Variants in MAPK4 observed in about 807,000 individuals in gnomAD.
The protein encoded by MAPK4 is Erk3-related.
A neutral mutation model predicts 47.7 loss-of-function variants in MAPK4; 22 were observed. That is an observed-to-expected ratio of 0.46 (90% confidence interval 0.33 to 0.66). MAPK4 has a LOEUF of 0.66. Ranked by LOEUF, MAPK4 falls within the 30% of genes least tolerant of loss-of-function variation. The pLI is 0.02. For missense variants in MAPK4, 736 were observed against 831.7 expected (o/e 0.88, Z 1.42); for synonymous variants, 390 against 365.7 (o/e 1.07, Z -0.76).
intron 1 of MAPK4, among the ~76,000 whole-genome samples, chr18:50,655,600 CA>C (rs2043101070): frequency 6.6e-6 from 1 of 152,154 alleles, no homozygotes; most frequent in African/African-American, 2.4e-5. Context: ...GCCGGAAAGC[CA>C]GGGAGAGTTG....
chr18:50,677,495 C>A (rs541663704), intron 2 of MAPK4, among the ~76,000 whole-genome samples: 1 of 151,998 alleles, frequency 6.6e-6, no homozygotes, highest in Non-Finnish European at 1.5e-5. Context: ...CAGGAGTCCA[C>A]GGACAGGGAC....
At chr18:50,600,538 G>T (rs1368750896) in intron 1 of MAPK4, among the ~76,000 whole-genome samples, 1 of 152,162 alleles carries the variant, frequency 6.6e-6, no homozygotes, top group Non-Finnish European at 1.5e-5. Flanking sequence ...AGACACTCAT[G>T]CATAGCCATG....
At position 50,715,425 on chromosome 18, in the gene MAPK4, G is replaced by A. The variant is rs2144439537; in HGVS notation, c.691+202G>A. Reference sequence around the variant, plus strand: ...GAGGCTAAAAAAATAGTAGCCTTTTGAGCACAGAAGTTTTTGCAATCAAGT... The same window carrying A: ...GAGGCTAAAAAAATAGTAGCCTTTTAAGCACAGAAGTTTTTGCAATCAAGT... On this transcript the variant is annotated intron_variant, in intron 3 of 5. Transcript: ENST00000400384. Among the ~76,000 whole-genome samples the A allele has an allele frequency of 2.0e-5, 3 of 152,316 alleles. No homozygotes were observed. The Middle Eastern group carries it at 0.01, about 518-fold the overall frequency.
At chr18:50,567,708 C>G (rs571920926) in intron 1 of MAPK4, among the ~76,000 whole-genome samples, 1 of 148,818 alleles carries the variant, frequency 6.7e-6, no homozygotes, top group Non-Finnish European at 1.5e-5. Context: ...AAACATTTTT[C>G]TATAGAATTT....
intron 1 of MAPK4, among the ~76,000 whole-genome samples, chr18:50,654,242 A>G (rs1382954582): frequency 6.6e-6 from 1 of 152,216 alleles, no homozygotes; most frequent in Non-Finnish European, 1.5e-5. Flanking sequence ...TCAGGTCTGA[A>G]CACTGAGCTG....
At position 50,731,772 on chromosome 18, in the gene MAPK4, A is replaced by G. The variant is rs1911577522; in HGVS notation, c.*1918A>G. ...TACTAATGTTTTTAAAAAATTTATT[A>G]AACATTATTAAACTTGATCAGGTCA... On this transcript the variant is annotated 3_prime_UTR_variant, in exon 6 of 6. Transcript: ENST00000400384. 1 of 152,226 alleles carries G rather than the reference A, an allele frequency of 6.6e-6. No homozygotes were observed. The highest frequency in any genetic ancestry group is 2.4e-5 in the African/African-American group (1 of 41,466). 9.4% of individuals were successfully genotyped at this position (152,226 alleles called of 1,614,324 possible).
chr18:50,581,776 T>C (rs1011790712), intron 1 of MAPK4, among the ~76,000 whole-genome samples: 1 of 152,302 alleles, frequency 6.6e-6, no homozygotes, highest in Non-Finnish European at 1.5e-5. Flanking sequence ...CAAGAGTTAG[T>C]CTGACAACAG....
At chr18:50,561,890 G>C (rs1463267811) in intron 1 of MAPK4, among the ~76,000 whole-genome samples, 1 of 152,132 alleles carries the variant, frequency 6.6e-6, no homozygotes, top group East Asian at 1.9e-4. Flanking sequence ...TTATCACAGG[G>C]AATCAAAGGG....
intron 1 of MAPK4, among the ~76,000 whole-genome samples, chr18:50,561,977 A>G (rs1207336846): frequency 6.6e-6 from 1 of 152,200 alleles, no homozygotes; most frequent in Non-Finnish European, 1.5e-5. Context: ...CTCCCTTTTA[A>G]TGCTACTGTC....
At chr18:50,725,357 G>A (rs933341391) in intron 4 of MAPK4, among the ~76,000 whole-genome samples, 1 of 152,194 alleles carries the variant, frequency 6.6e-6, no homozygotes, top group Non-Finnish European at 1.5e-5. Flanking sequence ...CCCCTCGACT[G>A]CAGCATTCCC....
intron 2 of MAPK4, among the ~76,000 whole-genome samples, chr18:50,710,779 C>CTAAA (rs56152549): frequency 1.7e-3 from 248 of 144,978 alleles, no homozygotes; most frequent in Admixed American, 2.1e-3. Context: ...GACTCCGTCT[C>CTAAA]TAAATAAATA....
rs548148848 is a variant in MAPK4, at chr18:50,600,122, G to A, written c.-871+39879G>A. Among the ~76,000 whole-genome samples the A allele has an allele frequency of 1.0e-3, 153 of 152,212 alleles. 1 individual carries two copies. The highest frequency in any genetic ancestry group is 3.4e-3 in the African/African-American group (141 of 41,538). Reference sequence around the variant, plus strand: ...GTTTGTGTATTCTAATCATTTCCCCGTATGTATATGCATCTATGCTTCACC... The same window carrying A: ...GTTTGTGTATTCTAATCATTTCCCCATATGTATATGCATCTATGCTTCACC... On this transcript the variant is annotated intron_variant, in intron 1 of 5. Transcript: ENST00000400384.
chr18:50,725,352 C>T (rs900292997), intron 4 of MAPK4, among the ~76,000 whole-genome samples: 3 of 151,976 alleles, frequency 2.0e-5, no homozygotes, highest in Non-Finnish European at 1.5e-5. Context: ...TCCCACCCCT[C>T]GACTGCAGCA....
At chr18:50,687,194 T>G (rs1908929615) in intron 2 of MAPK4, among the ~76,000 whole-genome samples, 1 of 152,040 alleles carries the variant, frequency 6.6e-6, no homozygotes, top group African/African-American at 2.4e-5. Context: ...GCTAATTTTT[T>G]TTCTATTTTT....
chr18:50,663,901 T>G lies in MAPK4; in HGVS notation c.-58T>G, dbSNP rs3752085. The G allele has an allele frequency of 0.73, 1,089,465 of 1,487,992 alleles. 401,689 individuals carry two copies. The highest frequency in any genetic ancestry group is 0.78 in the East Asian group (33,984 of 43,766). 92.2% of individuals were successfully genotyped at this position (1,487,992 alleles called of 1,614,324 possible). ...CGCGAGGGAGGCCGCTAGCCGAGAC[T>G]TGGCCTTTCCTGACTGCCCCTGTGT... On this transcript the variant is annotated 5_prime_UTR_variant, in exon 2 of 6. Transcript: ENST00000400384.
intron 1 of MAPK4, among the ~76,000 whole-genome samples, chr18:50,603,931 T>C (rs1020109425): frequency 1.3e-5 from 2 of 152,184 alleles, no homozygotes; most frequent in African/African-American, 4.8e-5. Context: ...TTGGAACTTA[T>C]TTGCTCTTGG....
intron 5 of MAPK4, among the ~76,000 whole-genome samples, chr18:50,726,855 TC>T (rs1911230135): frequency 8.4e-6 from 1 of 118,412 alleles, no homozygotes; most frequent in African/African-American, 3.9e-5. Flanking sequence ...TGAGACCCTG[TC>T]AAAAAAAAAA....
chr18:50,572,064 G>A (rs2042254562), intron 1 of MAPK4, among the ~76,000 whole-genome samples: 1 of 152,186 alleles, frequency 6.6e-6, no homozygotes, highest in Non-Finnish European at 1.5e-5. Flanking sequence ...ATGGTGGATT[G>A]CTTTTAGCTT....
intron 1 of MAPK4, among the ~76,000 whole-genome samples, chr18:50,626,278 A>G (rs79695780): frequency 0.013 from 1,947 of 152,340 alleles, 38 homozygotes; most frequent in African/African-American, 0.044. Flanking sequence ...AAGTTGACAT[A>G]AAATTAACCT....
Sources: gnomAD v4.1 joint callset for allele counts (sites outside exome capture counted in the v4.1 genomes callset) on GRCh38, gnomAD v4.1.1 for gene constraint, MANE v1.5 for transcripts, NCBI Gene and HGNC (gene_info 2026-07-23, HGNC 2026-07-21) for gene names.